Variants in CBLN2 observed in about 807,000 individuals in gnomAD.
The protein encoded by CBLN2 is cerebellin-2.
CBLN2 carries 7 observed loss-of-function variants against 15.0 expected under a neutral mutation model. The observed-to-expected ratio is 0.47, with a 90% CI of 0.27 to 0.88. The LOEUF is 0.88. CBLN2 is among the 40% of genes least tolerant of loss of function. CBLN2 has a pLI of 0.14. For synonymous variants in CBLN2, 149 were observed against 135.2 expected (o/e 1.10, Z -0.71); for missense variants, 242 against 304.5 (o/e 0.79, Z 1.53).
chr18:72,596,502 C>T (rs927451842), intron 1 of CBLN2, among the ~76,000 whole-genome samples: 2 of 152,168 alleles, frequency 1.3e-5, no homozygotes, highest in African/African-American at 2.4e-5. Flanking sequence ...TGTGTACTCA[C>T]TATTACCAGT....
intron 1 of CBLN2, among the ~76,000 whole-genome samples, chr18:72,598,048 C>A (rs1266031451): frequency 6.6e-6 from 1 of 152,206 alleles, no homozygotes; most frequent in African/African-American, 2.4e-5. Flanking sequence ...CGTGGCTGAT[C>A]TAGTACCCAA....
intron 1 of CBLN2, among the ~76,000 whole-genome samples, chr18:72,553,959 A>G (rs2069207939): frequency 6.6e-6 from 1 of 152,216 alleles, no homozygotes; most frequent in Admixed American, 6.5e-5. Flanking sequence ...CTTCATTGCC[A>G]TGCCTGGGTG....
chr18:72,633,182 T>C (rs200486031), intron 1 of CBLN2, among the ~76,000 whole-genome samples: 1 of 152,188 alleles, frequency 6.6e-6, no homozygotes, highest in East Asian at 1.9e-4. Context: ...CTCCATCTAC[T>C]GAAATCAACC....
At chr18:72,617,415 C>T (rs969777717) in intron 1 of CBLN2, among the ~76,000 whole-genome samples, 1 of 152,056 alleles carries the variant, frequency 6.6e-6, no homozygotes, top group Non-Finnish European at 1.5e-5. Context: ...AATATTCTGA[C>T]AAACTTTATT....
intron 1 of CBLN2, among the ~76,000 whole-genome samples, chr18:72,551,236 G>T (rs559071478): frequency 2.0e-5 from 3 of 151,982 alleles, no homozygotes; most frequent in Non-Finnish European, 2.9e-5. Flanking sequence ...TGGGTAAAAT[G>T]TTTATATATA....
Position 72,538,209 on chromosome 18 carries a change from G to A in CBLN2, c.642C>T (p.Ser214=). 1 of 1,614,060 alleles carries A rather than the reference G, an allele frequency of 6.2e-7. No individual in the cohort carries two copies. The highest frequency in any genetic ancestry group is 8.5e-7 in the Non-Finnish European group (1 of 1,180,014). Residue 214 remains serine (S), a synonymous_variant, in exon 5 of 5, where the codon TCC becomes TCT. Transcript: ENST00000269503. ...RGNLMGGWKY[S]TFSGFLVFPL is the part of the protein sequence containing the mutation. ...GAAACACCAAGAAGCCCGAGAATGT[G>A]GAGTATTTCCAGCCCCCCATGAGGT...
intron 1 of CBLN2, among the ~76,000 whole-genome samples, chr18:72,610,689 C>G (rs567060071): frequency 3.3e-5 from 5 of 152,128 alleles, no homozygotes; most frequent in Non-Finnish European, 7.4e-5. Flanking sequence ...CAAGTACTTC[C>G]AAGACACAAA....
intron 3 of CBLN2, chr18:72,539,120 G>T: frequency 4.8e-6 from 1 of 209,310 alleles, no homozygotes; most frequent in Non-Finnish European, 9.9e-6. Flanking sequence ...CCTAAATTGA[G>T]TCCAGGGAGG....
chr18:72,596,454 C>A (rs2069514417), intron 1 of CBLN2, among the ~76,000 whole-genome samples: 1 of 152,072 alleles, frequency 6.6e-6, no homozygotes, highest in Non-Finnish European at 1.5e-5. Flanking sequence ...GAGTAGCTTA[C>A]CCACCACAAT....
chr18:72,610,733 G>A (rs88406), intron 1 of CBLN2, among the ~76,000 whole-genome samples: 146,727 of 152,268 alleles, frequency 0.96, 70,872 homozygotes, highest in Non-Finnish European at 1. Flanking sequence ...AAACCATCAA[G>A]TGGCTCATTT....
chr18:72,611,092 T>C (rs2069619152), intron 1 of CBLN2, among the ~76,000 whole-genome samples: 1 of 152,208 alleles, frequency 6.6e-6, no homozygotes, highest in East Asian at 1.9e-4. Flanking sequence ...TATGGCTGCA[T>C]AGTATTTCAT....
At chr18:72,567,108 G>A (rs2069300146) in intron 1 of CBLN2, among the ~76,000 whole-genome samples, 1 of 152,136 alleles carries the variant, frequency 6.6e-6, no homozygotes, top group Non-Finnish European at 1.5e-5. Flanking sequence ...CAGACAGGAG[G>A]CACCGCGCCT....
chr18:72,591,428 A>G (rs992135784), intron 1 of CBLN2, among the ~76,000 whole-genome samples: 1 of 152,170 alleles, frequency 6.6e-6, no homozygotes, highest in African/African-American at 2.4e-5. Flanking sequence ...ACAGGCATAC[A>G]AAGTGTAATA....
rs1364641861 is a variant in CBLN2 at position 72,537,432 on chromosome 18, C to G, written c.*744G>C. On this transcript the variant is annotated 3_prime_UTR_variant, in exon 5 of 5. Transcript: ENST00000269503. ...AATGTTTTGTTTTGTTTGGTCTTATCCAGGAATTCTATATTTTCTCTCCTC... is the reference window on the plus strand; with the variant it reads ...AATGTTTTGTTTTGTTTGGTCTTATGCAGGAATTCTATATTTTCTCTCCTC... The G allele has an allele frequency of 6.6e-6, 1 of 152,172 alleles. No homozygotes were observed. Among genetic ancestry groups the G allele is most frequent in the Non-Finnish European group, 1.5e-5 (1 of 67,996 alleles). The allele number at this position is 152,172 out of a possible 1,614,324, so 9.4% of individuals were successfully genotyped here.
Position 72,537,383 on chromosome 18 carries a change from T to C in CBLN2, c.*793A>G, listed in dbSNP as rs1373382711. 1 of 152,250 alleles carries C rather than the reference T, an allele frequency of 6.6e-6. No homozygotes were observed. The highest frequency in any genetic ancestry group is 1.5e-5 in the Non-Finnish European group (1 of 68,032). 9.4% of individuals were successfully genotyped at this position (152,250 alleles called of 1,614,324 possible). On this transcript the variant is annotated 3_prime_UTR_variant, in exon 5 of 5. Coordinates refer to ENST00000269503, the MANE Select transcript of CBLN2 (RefSeq NM_182511.4). The stretch of plus-strand genomic sequence containing the variant: ...ACTTTTTGTTTAGTTTGGTCTCGTC[T>C]AAAACAAAACATACAGGTATTTTAA...
At chr18:72,547,597 C>T (rs1343732396), upstream of CBLN2, among the ~76,000 whole-genome samples, 1 of 151,750 alleles carries the variant, frequency 6.6e-6, no homozygotes, top group Non-Finnish European at 1.5e-5. Flanking sequence ...GAATGAGCTA[C>T]AGGTATGATT....
intron 1 of CBLN2, among the ~76,000 whole-genome samples, chr18:72,560,703 G>T (rs1420701294): frequency 6.6e-6 from 1 of 152,128 alleles, no homozygotes; most frequent in Non-Finnish European, 1.5e-5. Context: ...GCTTACATTG[G>T]TATGAATTTA....
chr18:72,627,953 T>G (rs2069751203), intron 1 of CBLN2, among the ~76,000 whole-genome samples: 1 of 152,238 alleles, frequency 6.6e-6, no homozygotes, highest in South Asian at 2.1e-4. Context: ...TACCAGGAAT[T>G]TATTTGCATG....
chr18:72,591,786 A>G (rs2069481448), intron 1 of CBLN2, among the ~76,000 whole-genome samples: 1 of 152,120 alleles, frequency 6.6e-6, no homozygotes, highest in Admixed American at 6.5e-5. Context: ...ACTTAACGTA[A>G]TCTTCTCCAG....
Sources: allele counts gnomAD v4.1 joint callset (sites outside exome capture counted in the v4.1 genomes callset), GRCh38; gene constraint gnomAD v4.1.1; transcripts MANE v1.5; gene names NCBI Gene and HGNC (gene_info 2026-07-23, HGNC 2026-07-21).